The following DMAC2L variants were observed in gnomAD, a reference collection of about 807,000 sequenced individuals.
DMAC2L encodes ATP synthase subunit s, mitochondrial.
DMAC2L carries 21 observed loss-of-function variants against 22.5 expected under a neutral mutation model. The ratio of observed to expected loss-of-function variants is 0.93; its 90% CI spans 0.66 to 1.34. The LOEUF (loss-of-function observed/expected upper bound fraction) is 1.34. Ranked by LOEUF, DMAC2L falls within the 40% of genes most tolerant of loss-of-function variation. The pLI, the probability that DMAC2L is intolerant of heterozygous loss-of-function variation, is 0.00. For missense variants in DMAC2L, 239 were observed against 246.5 expected (o/e 0.97, Z 0.20); for synonymous variants, 86 against 89.5 (o/e 0.96, Z 0.22).
At chr14:50,317,176 T>G (rs2031875924) in intron 2 of DMAC2L, among the ~76,000 whole-genome samples, 1 of 152,174 alleles carries the variant, frequency 6.6e-6, no homozygotes, top group African/African-American at 2.4e-5. Flanking sequence ...CCTAAGTTTT[T>G]TTTGTGTGTG....
upstream of DMAC2L, among the ~76,000 whole-genome samples, chr14:50,311,636 T>G (rs140690881): frequency 3.0e-3 from 451 of 152,272 alleles, 3 homozygotes; most frequent in African/African-American, 9.2e-3. Context: ...AAGAGCATAT[T>G]TGATTGCTTA....
intron 2 of DMAC2L, chr14:50,318,861 A>T (rs2032035157): frequency 9.8e-6 from 2 of 203,686 alleles, no homozygotes; most frequent in Admixed American, 1.3e-4. Flanking sequence ...TTATCTCTTT[A>T]TATGTTATCT....
At position 50,327,414 on chromosome 14, in the gene DMAC2L, C is replaced by T. The variant is rs1219557622; in HGVS notation, c.*1691C>T. ...GAGAAATGGCCCTGATTCTATTACT[C>T]TTATATGCCAGTTTGTTTATAGATT... On this transcript the variant is annotated 3_prime_UTR_variant, in exon 6 of 6. Coordinates refer to ENST00000557421, the MANE Select transcript of DMAC2L (RefSeq NM_001382507.1). 6.9e-6 allele frequency: 1 copy of T among 145,218 alleles called. No homozygotes were observed. Among genetic ancestry groups the T allele is most frequent in the African/African-American group, 2.5e-5 (1 of 39,414 alleles). The allele number at this position is 145,218 out of a possible 1,614,324, so 9.0% of individuals were successfully genotyped here. A position where few individuals can be genotyped will look rare whatever the true frequency, so the allele number is the denominator to read the frequency against.
At chr14:50,314,766 T>C (rs528360594) in intron 2 of DMAC2L, 140 bp downstream of exon 2, 71 of 390,632 alleles carry the variant, frequency 1.8e-4, no homozygotes, top group African/African-American at 1.4e-3. Context: ...CTCAGCCTCC[T>C]GAGTAGCTGG....
intron 2 of DMAC2L, chr14:50,319,304 A>G (rs2032072122): frequency 1.2e-5 from 19 of 1,536,116 alleles, no homozygotes; most frequent in Non-Finnish European, 1.5e-5. Flanking sequence ...ATGAAAGGGT[A>G]GTTGGTTCTG....
At chr14:50,311,646 A>T (rs190652598), upstream of DMAC2L, among the ~76,000 whole-genome samples, 1 of 152,344 alleles carries the variant, frequency 6.6e-6, no homozygotes, top group Admixed American at 6.5e-5. Flanking sequence ...TTGATTGCTT[A>T]TACTGTGTGC....
rs145881063 is a variant in DMAC2L at position 50,320,175 on chromosome 14, T to A, written c.-5-1308T>A. Among the ~76,000 whole-genome samples, 352 of 152,280 alleles carry A rather than the reference T, an allele frequency of 2.3e-3. 3 individuals carry two copies. Among genetic ancestry groups the A allele is most frequent in the African/African-American group, 8.0e-3 (334 of 41,546 alleles). On this transcript the variant is annotated intron_variant, in intron 2 of 5. Coordinates refer to ENST00000557421, the MANE Select transcript of DMAC2L (RefSeq NM_001382507.1). Reference sequence around the variant, plus strand: ...CTGGTACAATCTCAGCTTACTGCAATCTCTGCCTCCCGGGTTCAAGCGATT... The same window carrying A: ...CTGGTACAATCTCAGCTTACTGCAAACTCTGCCTCCCGGGTTCAAGCGATT...
chr14:50,313,573 G>T (rs1393453722), intron 1 of DMAC2L, among the ~76,000 whole-genome samples: 2 of 152,172 alleles, frequency 1.3e-5, no homozygotes, highest in Non-Finnish European at 2.9e-5. Flanking sequence ...AAAAAGAGAT[G>T]GTTATTCAAC....
upstream of DMAC2L, chr14:50,312,302 GGC>G (rs2031285503): frequency 8.5e-7 from 1 of 1,181,352 alleles, no homozygotes; most frequent in Admixed American, 2.4e-5. Flanking sequence ...GTGGCCAATA[GGC>G]GCGCGCGTCG....
At position 50,325,714 on chromosome 14, in the gene DMAC2L, A is replaced by G. The variant is rs369428246; in HGVS notation, c.594A>G (p.Gln198=). Residue 198 remains glutamine (Q), a synonymous_variant, in exon 6 of 6, where the codon CAA becomes CAG. Transcript: ENST00000557421. The stretch of plus-strand genomic sequence containing the variant: ...TGCCTTCTCTGGAACTAAAATTACA[A>G]TTGAAGTAAAATAATGTGTCTTATT... The part of the protein sequence containing the change: ...TALPSLELKL[Q]LK 2.5e-6 allele frequency: 4 copies of G among 1,609,806 alleles called. No individual in the cohort carries two copies. Among genetic ancestry groups the G allele is most frequent in the Non-Finnish European group, 3.4e-6 (4 of 1,178,340 alleles).
chr14:50,312,573 C>A (rs1457187106), intron 1 of DMAC2L, 184 bp downstream of exon 1: 2 of 278,798 alleles, frequency 7.2e-6, no homozygotes, highest in Non-Finnish European at 1.4e-5. Flanking sequence ...GGTGAAAATT[C>A]TTGTTTGGGC....
At chr14:50,323,797 TG>T (rs1232682580) in intron 4 of DMAC2L, 147 bp from the exon 5 acceptor site, 4 of 616,484 alleles carry the variant, frequency 6.5e-6, no homozygotes, top group Non-Finnish European at 8.4e-6. Context: ...GTTAATAGGG[TG>T]AGCAGTCATT....
intron 1 of DMAC2L, chr14:50,312,991 C>T (rs1413892499): frequency 1.9e-6 from 3 of 1,614,120 alleles, no homozygotes; most frequent in South Asian, 2.2e-5. Context: ...GTGTCCTTTT[C>T]TTGAGTACTG....
At chr14:50,318,982 A>G (rs2032044488) in intron 2 of DMAC2L, 1 of 976,472 alleles carries the variant, frequency 1.0e-6, no homozygotes, top group South Asian at 4.7e-5. Flanking sequence ...TTGCCTTTGC[A>G]CTAAGTATAG....
chr14:50,311,536 C>T (rs780085907), upstream of DMAC2L: 47 of 449,542 alleles, frequency 1.0e-4, no homozygotes, highest in Non-Finnish European at 1.7e-4. Flanking sequence ...GAGCTGCCTC[C>T]GACGGGGGCA....
chr14:50,311,947 C>G, upstream of DMAC2L: 1 of 1,532,738 alleles, frequency 6.5e-7, no homozygotes. Context: ...GGCACAGGTC[C>G]ACCACCAGGT....
At chr14:50,313,901 C>A (rs2031512240) in intron 1 of DMAC2L, among the ~76,000 whole-genome samples, 1 of 152,174 alleles carries the variant, frequency 6.6e-6, no homozygotes, top group Non-Finnish European at 1.5e-5. Context: ...TGCAGCCCCA[C>A]CCAATCTATT....
At chr14:50,315,224 C>A (rs1462290450) in intron 2 of DMAC2L, among the ~76,000 whole-genome samples, 2 of 151,888 alleles carry the variant, frequency 1.3e-5, no homozygotes, top group African/African-American at 4.8e-5. Flanking sequence ...CCTCGGCCTC[C>A]CAAAGTGTTG....
upstream of DMAC2L, chr14:50,311,927 T>C: frequency 6.6e-7 from 1 of 1,519,126 alleles, no homozygotes. Flanking sequence ...GACAGGGAAA[T>C]ACGAACAGGG....
Sources: allele counts gnomAD v4.1 joint callset (sites outside exome capture counted in the v4.1 genomes callset), GRCh38; gene constraint gnomAD v4.1.1; transcripts MANE v1.5; gene names NCBI Gene and HGNC (gene_info 2026-07-23, HGNC 2026-07-21).